The following FAM13A variants were observed in gnomAD, a reference collection of about 807,000 sequenced individuals.
FAM13A encodes the protein family with sequence similarity 13 member A, also known as protein FAM13A.
Under a neutral mutation model 129.6 loss-of-function variants are expected in FAM13A, and 76 were observed. That is an observed-to-expected ratio of 0.59 (90% CI 0.49 to 0.71). The LOEUF is 0.71. Among genes scored for constraint, FAM13A ranks in the 30% least tolerant of loss-of-function variants. The probability of loss-of-function intolerance (pLI) is 0.00; values close to 1 mark genes in which losing one functional copy is unlikely to be tolerated. For synonymous variants in FAM13A, 443 were observed against 449.9 expected, an observed-to-expected ratio of 0.98 and a Z score of 0.20; for missense variants, 1,108 against 1,249.3, an observed-to-expected ratio of 0.89 and a Z score of 1.70.
intron 6 of FAM13A, among the ~76,000 whole-genome samples, chr4:88,879,769 G>A (rs1287563834): frequency 6.6e-6 from 1 of 152,182 alleles, no homozygotes; most frequent in East Asian, 1.9e-4. Flanking sequence ...GCGAGGGGCT[G>A]CTCTGTCAGG....
intron 5 of FAM13A, among the ~76,000 whole-genome samples, chr4:88,912,776 G>A (rs189274479): frequency 1.6e-3 from 244 of 152,184 alleles, no homozygotes; most frequent in African/African-American, 5.6e-3. Context: ...CTAAAGAGAA[G>A]TCTAAGCCTG....
At position 88,811,150 on chromosome 4, in the gene FAM13A, C is replaced by T. The variant is rs187451219; in HGVS notation, c.1008-6098G>A. On this transcript the variant is annotated intron_variant, in intron 7 of 23. Transcript: ENST00000264344. The stretch of plus-strand genomic sequence containing the variant: ...CTGGACCAAAGAAGTACAGATTTTG[C>T]TGAGTGTAGATGGTAAAGAAAAGCA... Among the ~76,000 whole-genome samples, 9 of 152,234 alleles carry T rather than the reference C, an allele frequency of 5.9e-5. No homozygotes were observed. The East Asian group carries it at 1.7e-3, about 29-fold the overall frequency.
chr4:88,966,299 A>G (rs1322380019), intron 4 of FAM13A, among the ~76,000 whole-genome samples: 3 of 152,188 alleles, frequency 2.0e-5, no homozygotes, highest in Non-Finnish European at 4.4e-5. Context: ...TTCCCAGAGT[A>G]TTAGAAATAA....
chr4:88,989,083 C>T (rs1184949825), intron 4 of FAM13A, among the ~76,000 whole-genome samples: 1 of 151,422 alleles, frequency 6.6e-6, no homozygotes, highest in Non-Finnish European at 1.5e-5. Context: ...TGGTGGGCGC[C>T]TATAATCCCA....
intron 3 of FAM13A, among the ~76,000 whole-genome samples, chr4:89,010,130 T>G (rs1250432388): frequency 6.6e-6 from 1 of 152,204 alleles, no homozygotes; most frequent in East Asian, 1.9e-4. Flanking sequence ...AGGATGGAGA[T>G]AGTTATGTCA....
At chr4:88,897,805 T>C (rs1746602707) in intron 6 of FAM13A, among the ~76,000 whole-genome samples, 1 of 152,138 alleles carries the variant, frequency 6.6e-6, no homozygotes, top group Non-Finnish European at 1.5e-5. Flanking sequence ...TAAGATAAAA[T>C]CTTGGTGACA....
At chr4:88,831,010 G>A (rs1475415178) in intron 7 of FAM13A, among the ~76,000 whole-genome samples, 1 of 150,504 alleles carries the variant, frequency 6.6e-6, no homozygotes, top group Admixed American at 6.6e-5. Flanking sequence ...TGAATTTCTT[G>A]TAAGAACTGA....
Position 88,914,002 on chromosome 4 carries a change from C to CA in FAM13A, c.760-7541dup, listed in dbSNP as rs912427920. Reference sequence around the variant, plus strand: ...TGGATGACAGGGTGAGACTCCGTCTCAAAAAAAAAAGAAAAAAAAAAAACT... The same window carrying CA: ...TGGATGACAGGGTGAGACTCCGTCTCAAAAAAAAAAAGAAAAAAAAAAAACT... On this transcript the variant is annotated intron_variant, in intron 5 of 23. Coordinates refer to ENST00000264344, the MANE Select transcript of FAM13A (RefSeq NM_014883.4). Among the ~76,000 whole-genome samples, 810 of 118,270 alleles carry CA rather than the reference C, an allele frequency of 6.8e-3. 3 individuals are homozygous for CA. The highest frequency in any genetic ancestry group is 0.011 in the African/African-American group (322 of 30,108). 77.6% of individuals were successfully genotyped at this position (118,270 alleles called of 152,430 possible).
intron 8 of FAM13A, among the ~76,000 whole-genome samples, chr4:88,797,710 T>C (rs537590795): frequency 6.6e-6 from 1 of 152,276 alleles, no homozygotes; most frequent in Non-Finnish European, 1.5e-5. Flanking sequence ...TTCTAAAACA[T>C]TTCTAGGGTT....
intron 7 of FAM13A, among the ~76,000 whole-genome samples, chr4:88,809,282 T>C (rs1005476375): frequency 2.6e-5 from 4 of 152,116 alleles, no homozygotes; most frequent in Admixed American, 2.6e-4. Context: ...CCATTCCCTT[T>C]TTAACTCTCC....
At chr4:88,759,006 G>A in intron 13 of FAM13A, 105 bp from the exon 14 acceptor site, 4 of 1,170,604 alleles carry the variant, frequency 3.4e-6, no homozygotes, top group South Asian at 1.5e-5. Context: ...AGTCACAGCT[G>A]CTAATGCATC....
intron 6 of FAM13A, among the ~76,000 whole-genome samples, chr4:88,867,514 C>T (rs1005684663): frequency 5.3e-5 from 8 of 152,234 alleles, no homozygotes; most frequent in African/African-American, 9.6e-5. Context: ...TTTCTCATTA[C>T]GTGTATTTTT....
At chr4:89,016,770 G>T (rs141599463) in intron 3 of FAM13A, among the ~76,000 whole-genome samples, 2,283 of 152,140 alleles carry the variant, frequency 0.015, 63 homozygotes, top group African/African-American at 0.052. Context: ...GAGTAGCTGG[G>T]ACTACAGGTG....
rs1754146668 is a variant in FAM13A at position 88,938,203 on chromosome 4, A to G, written c.644T>C (p.Leu215Pro). Residue 215 changes from leucine (L) to proline (P), a missense_variant, in exon 5 of 24, where the codon CTG becomes CCG. Coordinates refer to ENST00000264344, the MANE Select transcript of FAM13A (RefSeq NM_014883.4). ...PGLEGMKEQD[L>P]CNKIMAKILE... ...AATTTTAGCCATTATCTTGTTGCACAGGTCCTGTTCCTTCATGCCTTCAAG... is the reference window on the plus strand; with the variant it reads ...AATTTTAGCCATTATCTTGTTGCACGGGTCCTGTTCCTTCATGCCTTCAAG... 2 of 1,613,198 alleles carry G rather than the reference A, an allele frequency of 1.2e-6. No individual in the cohort carries two copies. Among genetic ancestry groups the G allele is most frequent in the African/African-American group, 1.3e-5 (1 of 74,896 alleles).
At chr4:89,044,869 G>A (rs992354390) in intron 1 of FAM13A, among the ~76,000 whole-genome samples, 9 of 151,766 alleles carry the variant, frequency 5.9e-5, no homozygotes, top group African/African-American at 2.2e-4. Flanking sequence ...ACCTAGGCTA[G>A]GCAAATGTAT....
intron 7 of FAM13A, among the ~76,000 whole-genome samples, chr4:88,814,531 T>C (rs948484209): frequency 3.9e-5 from 6 of 152,140 alleles, no homozygotes; most frequent in Admixed American, 3.9e-4. Flanking sequence ...ACAGGCAGGC[T>C]TTTGGGTTTC....
intron 4 of FAM13A, among the ~76,000 whole-genome samples, chr4:88,970,807 A>C (rs1362603248): frequency 6.6e-6 from 1 of 152,200 alleles, no homozygotes; most frequent in Non-Finnish European, 1.5e-5. Context: ...AATGAACCAA[A>C]AAATAAACCC....
chr4:88,815,157 T>G (rs1440601120), intron 7 of FAM13A, among the ~76,000 whole-genome samples: 1 of 152,140 alleles, frequency 6.6e-6, no homozygotes, highest in Non-Finnish European at 1.5e-5. Flanking sequence ...TGAGTTTTAT[T>G]CTTAGATTTG....
At chr4:88,763,395 G>A (rs752276653) in intron 13 of FAM13A, among the ~76,000 whole-genome samples, 1 of 152,160 alleles carries the variant, frequency 6.6e-6, no homozygotes, top group Non-Finnish European at 1.5e-5. Flanking sequence ...TGGTGCAGGA[G>A]AGAGATACTG....
Sources: allele counts gnomAD v4.1 joint callset (sites outside exome capture counted in the v4.1 genomes callset), GRCh38; gene constraint gnomAD v4.1.1; transcripts MANE v1.5; gene names NCBI Gene and HGNC (gene_info 2026-07-23, HGNC 2026-07-21).